The following PARP8 variants were observed in gnomAD, a reference collection of about 807,000 sequenced individuals.
PARP8 encodes protein mono-ADP-ribosyltransferase PARP8.
Under a neutral mutation model 124.1 loss-of-function variants are expected in PARP8, and 51 were observed. The observed-to-expected ratio is 0.41, with a 90% CI of 0.33 to 0.52. The LOEUF is 0.52. Among genes scored for constraint, PARP8 ranks in the 20% least tolerant of loss-of-function variants. The pLI is 0.21. For missense variants in PARP8, 860 were observed against 1,018.9 expected, an observed-to-expected ratio of 0.84 and a Z score of 2.12; for synonymous variants, 391 against 361.5, an observed-to-expected ratio of 1.08 and a Z score of -0.93.
chr5:50,684,463 A>G (rs1215027627), intron 2 of PARP8, among the ~76,000 whole-genome samples: 2 of 152,026 alleles, frequency 1.3e-5, no homozygotes, highest in Non-Finnish European at 2.9e-5. Context: ...GGCTGAAAAA[A>G]TGCTGGATTG....
intron 6 of PARP8, 69 bp downstream of exon 6, chr5:50,761,967 CTG>C (rs933109783): frequency 9.9e-7 from 1 of 1,014,422 alleles, no homozygotes; most frequent in Non-Finnish European, 1.5e-6. Flanking sequence ...TAGTGGTAAT[CTG>C]TGCCTGAGAG....
chr5:50,802,102 C>A (rs1466794891), intron 14 of PARP8, among the ~76,000 whole-genome samples: 1 of 152,168 alleles, frequency 6.6e-6, no homozygotes, highest in East Asian at 1.9e-4. Context: ...GGAAAGACTT[C>A]TGCTATTTTG....
chr5:50,822,153 C>T (rs1000694794), intron 16 of PARP8, among the ~76,000 whole-genome samples, 182 bp from the exon 17 acceptor site: 1 of 152,128 alleles, frequency 6.6e-6, no homozygotes, highest in Non-Finnish European at 1.5e-5. Flanking sequence ...TTTTCTCTGA[C>T]TGAAGTCCTG....
intron 14 of PARP8, among the ~76,000 whole-genome samples, chr5:50,806,596 T>G (rs1197569539): frequency 6.6e-6 from 1 of 152,032 alleles, no homozygotes; most frequent in Non-Finnish European, 1.5e-5. Flanking sequence ...TGATGCAGAC[T>G]GATACCTAAG....
At chr5:50,701,622 T>C (rs1157667724) in intron 2 of PARP8, among the ~76,000 whole-genome samples, 1 of 152,150 alleles carries the variant, frequency 6.6e-6, no homozygotes, top group Non-Finnish European at 1.5e-5. Flanking sequence ...TTTTAAAATC[T>C]GGAAAATTCA....
intron 2 of PARP8, among the ~76,000 whole-genome samples, chr5:50,747,365 A>G (rs1580185800): frequency 6.6e-6 from 1 of 151,978 alleles, no homozygotes; most frequent in Non-Finnish European, 1.5e-5. Flanking sequence ...GATTTGTGTT[A>G]TAGCTCAGTA....
intron 25 of PARP8, among the ~76,000 whole-genome samples, chr5:50,838,565 G>A (rs1278199837): frequency 6.6e-6 from 1 of 151,968 alleles, no homozygotes; most frequent in Admixed American, 6.6e-5. Flanking sequence ...TTGGTGTACA[G>A]CCTACATTCC....
intron 2 of PARP8, among the ~76,000 whole-genome samples, chr5:50,700,163 C>T (rs551453966): frequency 1.3e-5 from 2 of 152,102 alleles, no homozygotes; most frequent in Admixed American, 6.6e-5. Flanking sequence ...ATACCAAGGC[C>T]CAGAAGTGCC....
chr5:50,844,404 GA>G lies in PARP8; in HGVS notation c.*2338del, dbSNP rs1254488433. 6.6e-6 allele frequency: 1 copy of G among 151,682 alleles called. No individual in the cohort carries two copies. The highest frequency in any genetic ancestry group is 1.5e-5 in the Non-Finnish European group (1 of 67,766). The allele number at this position is 151,682 out of a possible 1,614,324, so 9.4% of individuals were successfully genotyped here. On this transcript the variant is annotated 3_prime_UTR_variant, in exon 26 of 26. Transcript: ENST00000281631. ...GGATACTATAATAACTGATAAAGAT[GA>G]ATTTCTGTGTTTCTAAAGAATCTAA...
intron 2 of PARP8, among the ~76,000 whole-genome samples, chr5:50,742,992 A>G (rs1268198026): frequency 6.6e-6 from 1 of 152,160 alleles, no homozygotes; most frequent in African/African-American, 2.4e-5. Flanking sequence ...TTGTTTAAGG[A>G]TGTTAGAAGT....
rs1748253568 is a variant in PARP8, at chr5:50,842,215, G to A, written c.*147G>A. 1 of 579,840 alleles carries A rather than the reference G, an allele frequency of 1.7e-6. No individual in the cohort carries two copies. Among genetic ancestry groups the A allele is most frequent in the Non-Finnish European group, 3.0e-6 (1 of 331,790 alleles). The allele number at this position is 579,840 out of a possible 1,614,324, so 35.9% of individuals were successfully genotyped here. On this transcript the variant is annotated 3_prime_UTR_variant, in exon 26 of 26. Transcript: ENST00000281631. ...TGATTTTTTTTCTTAGTATTTCTAA[G>A]TATCTCATTAAATACCTAAAATGGT...
chr5:50,702,379 T>C (rs1753690438), intron 2 of PARP8, among the ~76,000 whole-genome samples: 2 of 152,176 alleles, frequency 1.3e-5, no homozygotes, highest in Non-Finnish European at 1.5e-5. Context: ...TGTTTCTGTT[T>C]TATAGGTGAC....
At chr5:50,755,649 G>A (rs950803418) in intron 3 of PARP8, among the ~76,000 whole-genome samples, 3 of 152,156 alleles carry the variant, frequency 2.0e-5, no homozygotes, top group Non-Finnish European at 2.9e-5. Flanking sequence ...GCTTCGGATT[G>A]ACTTGGCAAT....
intron 9 of PARP8, among the ~76,000 whole-genome samples, chr5:50,787,104 A>ACT (rs1741342318): frequency 6.6e-6 from 1 of 151,926 alleles, no homozygotes; most frequent in Non-Finnish European, 1.5e-5. Flanking sequence ...TTCATCCTTA[A>ACT]CTCTTCTTTT....
At chr5:50,731,384 GAGTC>G (rs1756960364) in intron 2 of PARP8, among the ~76,000 whole-genome samples, 1 of 152,162 alleles carries the variant, frequency 6.6e-6, no homozygotes, top group Non-Finnish European at 1.5e-5. Context: ...TGTTGGACTT[GAGTC>G]AAATGAAAAT....
At chr5:50,699,155 C>T (rs115849866) in intron 2 of PARP8, among the ~76,000 whole-genome samples, 1 of 152,122 alleles carries the variant, frequency 6.6e-6, no homozygotes, top group Admixed American at 6.6e-5. Flanking sequence ...CTCTCTCACT[C>T]TCCACCGACT....
At chr5:50,825,080 T>C in intron 18 of PARP8, 105 bp downstream of exon 18, 1 of 913,708 alleles carries the variant, frequency 1.1e-6, no homozygotes. Context: ...TTACAAGCCC[T>C]GCAATGCTAT....
intron 2 of PARP8, among the ~76,000 whole-genome samples, chr5:50,714,121 A>G (rs1755060067): frequency 6.7e-6 from 1 of 149,972 alleles, no homozygotes; most frequent in Non-Finnish European, 1.5e-5. Context: ...ATCAAGCACA[A>G]AGTTTATTTT....
chr5:50,804,369 G>T (rs543498350), intron 14 of PARP8, among the ~76,000 whole-genome samples: 92 of 152,250 alleles, frequency 6.0e-4, no homozygotes, highest in African/African-American at 2.2e-3. Flanking sequence ...TGGAAATACA[G>T]GGCATTGTTT....
Sources: gnomAD v4.1 joint callset for allele counts (sites outside exome capture counted in the v4.1 genomes callset) on GRCh38, gnomAD v4.1.1 for gene constraint, MANE v1.5 for transcripts, NCBI Gene and HGNC (gene_info 2026-07-23, HGNC 2026-07-21) for gene names.